The following RAB40C variants were observed in gnomAD, a reference collection of about 807,000 sequenced individuals.
RAB40C encodes ras-related protein Rab-40C.
In RAB40C, 8 loss-of-function variants were observed where a neutral mutation model predicts 28.1. That is an observed-to-expected ratio of 0.28 (90% CI 0.17 to 0.51). The LOEUF (loss-of-function observed/expected upper bound fraction) is 0.51. RAB40C is among the 20% of genes least tolerant of loss of function. The pLI is 0.97. For missense variants in RAB40C, 288 were observed against 405.9 expected (o/e 0.71, Z 2.50); for synonymous variants, 201 against 171.7 (o/e 1.17, Z -1.34).
chr16:605,616 G>A (rs993451803), intron 1 of RAB40C, among the ~76,000 whole-genome samples: 7 of 152,302 alleles, frequency 4.6e-5, no homozygotes, highest in Middle Eastern at 3.4e-3. Context: ...CTTCGGCCAC[G>A]TGGTTGAGTG....
intron 1 of RAB40C, among the ~76,000 whole-genome samples, chr16:611,639 G>A (rs1205162126): frequency 1.4e-5 from 2 of 147,308 alleles, no homozygotes; most frequent in East Asian, 2.0e-4. Context: ...AGGGACAGCC[G>A]CCCTGGCCTG....
chr16:626,008 CCTT>C lies in RAB40C; in HGVS notation c.456_458del (p.Phe153del), dbSNP rs2036822410. The C allele has an allele frequency of 6.2e-7, 1 of 1,613,368 alleles. No homozygotes were observed. Among genetic ancestry groups the C allele is most frequent in the Non-Finnish European group, 8.5e-7 (1 of 1,179,986 alleles). On this transcript the variant is annotated inframe_deletion, in exon 5 of 6. Coordinates refer to ENST00000248139, the MANE Select transcript of RAB40C (RefSeq NM_021168.5). ...GCGTACGCAGAGAAGAACTGCATGA[CCTT>C]CTTTGAGGTCAGCCCCCTGTGCAAC...
chr16:627,433 G>C lies in RAB40C; in HGVS notation c.657G>C (p.Lys219Asn). ...AGCTTCCACTGCCCGTCACCATCAA[G>C]AGCCACCTCAAGTCCTTCTCGATGG... Reference protein sequence around the residue: ...IDKLPLPVTIKSHLKSFSMAN... With the variant: ...IDKLPLPVTINSHLKSFSMAN... Residue 219 changes from lysine (K) to asparagine (N), a missense_variant, in exon 6 of 6, where the codon AAG becomes AAC. Transcript: ENST00000248139. 1.2e-6 allele frequency: 2 copies of C among 1,613,992 alleles called. No homozygotes were observed. Among genetic ancestry groups the C allele is most frequent in the Non-Finnish European group, 1.7e-6 (2 of 1,180,002 alleles).
intron 1 of RAB40C, among the ~76,000 whole-genome samples, chr16:609,982 GA>G (rs2036449225): frequency 1.3e-5 from 2 of 152,168 alleles, no homozygotes; most frequent in African/African-American, 4.8e-5. Flanking sequence ...AAGGTTTTAG[GA>G]AACAGAATGG....
intron 3 of RAB40C, chr16:625,020 GA>G (rs749872976): frequency 7.7e-7 from 1 of 1,291,178 alleles, no homozygotes; most frequent in South Asian, 1.2e-5. Context: ...GGAAAACTCA[GA>G]AATGCCCCCA....
intron 3 of RAB40C, among the ~76,000 whole-genome samples, chr16:620,866 C>G (rs2036702527): frequency 6.6e-6 from 1 of 151,948 alleles, no homozygotes; most frequent in Non-Finnish European, 1.5e-5. Flanking sequence ...CATCCCAGCT[C>G]CCACACAGGG....
intron 1 of RAB40C, among the ~76,000 whole-genome samples, chr16:613,929 G>A (rs866298551): frequency 1.3e-5 from 2 of 152,164 alleles, no homozygotes; most frequent in East Asian, 1.9e-4. Flanking sequence ...GGGCAGTGAC[G>A]CAGCTTCACA....
chr16:596,186 C>T (rs2036120250), intron 1 of RAB40C: 2 of 414,348 alleles, frequency 4.8e-6, no homozygotes, highest in Admixed American at 5.1e-5. Flanking sequence ...GTGTTGTGGC[C>T]TGCACGATGA....
chr16:593,768 G>T (rs1271012888), intron 1 of RAB40C, among the ~76,000 whole-genome samples: 1 of 152,220 alleles, frequency 6.6e-6, no homozygotes, highest in Non-Finnish European at 1.5e-5. Context: ...GTGTGCGCTG[G>T]GTTTCTGGAT....
At chr16:622,293 G>C (rs1372185644) in intron 3 of RAB40C, among the ~76,000 whole-genome samples, 2 of 152,202 alleles carry the variant, frequency 1.3e-5, no homozygotes, top group Non-Finnish European at 2.9e-5. Flanking sequence ...CGCAGTACCA[G>C]TTCACGAGCA....
intron 1 of RAB40C, among the ~76,000 whole-genome samples, chr16:596,639 C>T (rs17138547): frequency 0.044 from 6,709 of 152,198 alleles, 496 homozygotes; most frequent in African/African-American, 0.15. Context: ...CCTGGGCGGT[C>T]GGGAGAAGGA....
chr16:593,794 G>A (rs796773265), intron 1 of RAB40C, among the ~76,000 whole-genome samples: 2 of 152,218 alleles, frequency 1.3e-5, no homozygotes, highest in African/African-American at 2.4e-5. Flanking sequence ...GGTCTGGAAA[G>A]GCTTTCCTTT....
rs186820807 is a variant in RAB40C, at chr16:627,616, C to T, written c.840C>T (p.Ile280=). ...PQNCSRSNCK[I]S Reference sequence around the variant, plus strand: ...ACTGCTCGCGGAGTAACTGCAAGATCTCCTAGCGGGGATGGGCGGGGCCGC... The same window carrying T: ...ACTGCTCGCGGAGTAACTGCAAGATTTCCTAGCGGGGATGGGCGGGGCCGC... Residue 280 remains isoleucine (I), a synonymous_variant, in exon 6 of 6, where the codon ATC becomes ATT. Transcript: ENST00000248139. The T allele has an allele frequency of 7.0e-6, 11 of 1,580,882 alleles. No individual in the cohort carries two copies. The Admixed American group carries it at 1.4e-4, about 20-fold the overall frequency.
chr16:606,817 C>T (rs971413021), intron 1 of RAB40C, among the ~76,000 whole-genome samples: 4 of 152,202 alleles, frequency 2.6e-5, no homozygotes, highest in African/African-American at 4.8e-5. Flanking sequence ...CCAGGAAAGG[C>T]GGTTAAGGAC....
intron 1 of RAB40C, among the ~76,000 whole-genome samples, chr16:603,078 C>A (rs1362434757): frequency 6.6e-6 from 1 of 152,212 alleles, no homozygotes; most frequent in East Asian, 1.9e-4. Context: ...TCCTGAGTAG[C>A]TGGGGCCAGA....
At chr16:605,971 G>A (rs1457936250) in intron 1 of RAB40C, among the ~76,000 whole-genome samples, 7 of 152,228 alleles carry the variant, frequency 4.6e-5, no homozygotes, top group African/African-American at 1.7e-4. Flanking sequence ...CTTTGTAATA[G>A]CCATAGAACA....
At chr16:623,340 A>G (rs934843992) in intron 3 of RAB40C, among the ~76,000 whole-genome samples, 1 of 152,228 alleles carries the variant, frequency 6.6e-6, no homozygotes, top group African/African-American at 2.4e-5. Flanking sequence ...TTGTGTGTTC[A>G]TACTTTTATT....
At chr16:608,040 C>G (rs1025343504) in intron 1 of RAB40C, among the ~76,000 whole-genome samples, 2 of 152,140 alleles carry the variant, frequency 1.3e-5, no homozygotes, top group African/African-American at 4.8e-5. Flanking sequence ...AGCCTCCACG[C>G]CCATGTACTC....
At chr16:591,975 A>G (rs1478490548) in intron 1 of RAB40C, among the ~76,000 whole-genome samples, 1 of 152,172 alleles carries the variant, frequency 6.6e-6, no homozygotes, top group African/African-American at 2.4e-5. Flanking sequence ...CTGCCTGAGC[A>G]TGCCTCTTAA....
Sources: gnomAD v4.1 joint callset for allele counts (sites outside exome capture counted in the v4.1 genomes callset) on GRCh38, gnomAD v4.1.1 for gene constraint, MANE v1.5 for transcripts, NCBI Gene and HGNC (gene_info 2026-07-23, HGNC 2026-07-21) for gene names.